The following DLG2 variants were observed in gnomAD, a reference collection of about 807,000 sequenced individuals.
DLG2 encodes the protein disks large homolog 2.
DLG2 carries 45 observed loss-of-function variants against 132.5 expected under a neutral mutation model. The observed-to-expected ratio is 0.34, with a 90% CI of 0.27 to 0.44. The LOEUF (loss-of-function observed/expected upper bound fraction) is 0.44. DLG2 is among the 20% of genes least tolerant of loss of function. The probability of loss-of-function intolerance (pLI) is 1.00; values close to 1 mark genes in which losing one functional copy is unlikely to be tolerated. For synonymous variants in DLG2, 424 were observed against 419.6 expected, an observed-to-expected ratio of 1.01 and a Z score of -0.13; for missense variants, 1,045 against 1,196.9, an observed-to-expected ratio of 0.87 and a Z score of 1.87.
rs2089413064 is a variant in DLG2 at position 83,458,986 on chromosome 11, T to C, written c.*832A>G. ...AAGGGAGAGTGCAACTTTCAGGTCT[T>C]GAATTTGATCATCTGCTGATGTTGC... On this transcript the variant is annotated 3_prime_UTR_variant, in exon 28 of 28. Transcript: ENST00000376104. The C allele has an allele frequency of 6.6e-6, 1 of 152,316 alleles. No homozygotes were observed. Among genetic ancestry groups the C allele is most frequent in the South Asian group, 2.1e-4 (1 of 4,834 alleles). 9.4% of individuals were successfully genotyped at this position (152,316 alleles called of 1,614,324 possible).
intron 17 of DLG2, among the ~76,000 whole-genome samples, chr11:83,829,992 C>T (rs903391512): frequency 1.3e-5 from 2 of 152,030 alleles, no homozygotes; most frequent in Non-Finnish European, 1.5e-5. Context: ...TGAGAACATG[C>T]GGTGTTTCGT....
rs368079509 is a variant in DLG2, at chr11:84,028,052, TAA to T, written c.919+31261_919+31262del. On this transcript the variant is annotated intron_variant, in intron 11 of 27. Transcript: ENST00000376104. Reference sequence around the variant, plus strand: ...ATTAGTTCTGTTTACTTGTCCAGATTAAAAAAAAAAAAAACAAAACACCTATC... The same window carrying T: ...ATTAGTTCTGTTTACTTGTCCAGATTAAAAAAAAAAAACAAAACACCTATC... 1.9e-3 allele frequency among the ~76,000 whole-genome samples: 279 copies of T among 146,778 alleles called. No homozygotes were observed. The Middle Eastern group carries it at 0.024, about 13-fold the overall frequency.
At chr11:85,366,439 A>C (rs527386189) in intron 3 of DLG2, among the ~76,000 whole-genome samples, 34 of 152,276 alleles carry the variant, frequency 2.2e-4, no homozygotes, top group African/African-American at 7.9e-4. Flanking sequence ...AAAAGTCATT[A>C]ATTTGTATGG....
At chr11:85,370,175 A>G (rs1452105010) in intron 3 of DLG2, among the ~76,000 whole-genome samples, 1 of 152,222 alleles carries the variant, frequency 6.6e-6, no homozygotes, top group Non-Finnish European at 1.5e-5. Flanking sequence ...CAGTTAGCAC[A>G]CAATTAAAGC....
At chr11:84,949,905 T>G (rs917483347) in intron 6 of DLG2, among the ~76,000 whole-genome samples, 1 of 152,162 alleles carries the variant, frequency 6.6e-6, no homozygotes, top group South Asian at 2.1e-4. Context: ...ACTGGGGAAG[T>G]GATAAGTGTC....
chr11:83,694,769 C>G (rs2081590294), intron 18 of DLG2, among the ~76,000 whole-genome samples: 1 of 152,224 alleles, frequency 6.6e-6, no homozygotes, highest in African/African-American at 2.4e-5. Context: ...ATTGGCAAAT[C>G]AGGCAGGAAT....
intron 6 of DLG2, among the ~76,000 whole-genome samples, chr11:85,045,778 A>G (rs2154151832): frequency 6.6e-6 from 1 of 152,188 alleles, no homozygotes; most frequent in Middle Eastern, 3.4e-3. Flanking sequence ...AGTTTTACAG[A>G]AGGGAAGAGG....
At chr11:83,595,318 C>T (rs1213317328) in intron 19 of DLG2, among the ~76,000 whole-genome samples, 2 of 152,166 alleles carry the variant, frequency 1.3e-5, no homozygotes, top group Non-Finnish European at 2.9e-5. Flanking sequence ...TTCTCAAAAT[C>T]CAGCTGTGTA....
intron 6 of DLG2, among the ~76,000 whole-genome samples, chr11:85,034,243 A>C (rs1036522713): frequency 6.6e-6 from 1 of 151,820 alleles, no homozygotes; most frequent in African/African-American, 2.4e-5. Context: ...ATGCCCGGCT[A>C]ATTTTTTTGT....
chr11:85,093,847 G>A (rs1354886237), intron 6 of DLG2, among the ~76,000 whole-genome samples: 2 of 152,168 alleles, frequency 1.3e-5, no homozygotes, highest in African/African-American at 2.4e-5. Context: ...GTTTTGAGGT[G>A]TCCATTAATC....
At chr11:83,816,169 A>G (rs2048851805) in intron 17 of DLG2, among the ~76,000 whole-genome samples, 1 of 152,168 alleles carries the variant, frequency 6.6e-6, no homozygotes, top group African/African-American at 2.4e-5. Flanking sequence ...GATAGAGTCT[A>G]ACCAGTGTGG....
intron 3 of DLG2, among the ~76,000 whole-genome samples, chr11:85,436,921 C>G (rs775532906): frequency 6.6e-6 from 1 of 152,136 alleles, no homozygotes; most frequent in Non-Finnish European, 1.5e-5. Context: ...CAATGATAGA[C>G]TGGATAAAGA....
intron 9 of DLG2, among the ~76,000 whole-genome samples, chr11:84,129,444 T>C (rs1382278866): frequency 6.6e-6 from 1 of 152,128 alleles, no homozygotes; most frequent in Non-Finnish European, 1.5e-5. Flanking sequence ...CAAATTTCAA[T>C]GCCCAGGCTA....
At chr11:85,345,061 T>C (rs2082736867) in intron 3 of DLG2, among the ~76,000 whole-genome samples, 1 of 151,874 alleles carries the variant, frequency 6.6e-6, no homozygotes, top group Admixed American at 6.6e-5. Flanking sequence ...GTAAATAAAA[T>C]ATCTCCCATT....
chr11:85,558,091 G>T (rs2077033953), intron 3 of DLG2, among the ~76,000 whole-genome samples: 1 of 151,654 alleles, frequency 6.6e-6, no homozygotes, highest in South Asian at 2.1e-4. Flanking sequence ...AATCTATAAG[G>T]AACTTAATTC....
At chr11:84,852,025 C>A (rs895821676) in intron 6 of DLG2, among the ~76,000 whole-genome samples, 1 of 151,772 alleles carries the variant, frequency 6.6e-6, no homozygotes, top group Non-Finnish European at 1.5e-5. Flanking sequence ...TTTAATGAAC[C>A]GATTTGACAG....
intron 6 of DLG2, chr11:84,640,034 A>G: frequency 3.6e-6 from 1 of 274,138 alleles, no homozygotes; most frequent in East Asian, 1.0e-4. Flanking sequence ...GCACTCCAGA[A>G]AATGTCAACG....
At chr11:84,556,624 C>A (rs1028498727) in intron 6 of DLG2, among the ~76,000 whole-genome samples, 1 of 152,164 alleles carries the variant, frequency 6.6e-6, no homozygotes, top group Non-Finnish European at 1.5e-5. Flanking sequence ...CACATGTGAC[C>A]CACAGGCCGC....
At chr11:83,583,713 C>T (rs988195318) in intron 19 of DLG2, among the ~76,000 whole-genome samples, 21 of 152,154 alleles carry the variant, frequency 1.4e-4, no homozygotes. Flanking sequence ...AGAACAAGAA[C>T]CTTTAACTAT....
Sources: allele counts gnomAD v4.1 joint callset (sites outside exome capture counted in the v4.1 genomes callset), GRCh38; gene constraint gnomAD v4.1.1; transcripts MANE v1.5; gene names NCBI Gene and HGNC (gene_info 2026-07-23, HGNC 2026-07-21).